The following PACSIN2 variants were observed in gnomAD, a reference collection of about 807,000 sequenced individuals.
PACSIN2 encodes protein kinase C and casein kinase substrate in neurons 2, also known as protein kinase C and casein kinase substrate in neurons protein 2.
A neutral mutation model predicts 63.8 loss-of-function variants in PACSIN2; 25 were observed. The ratio of observed to expected loss-of-function variants is 0.39; its 90% CI spans 0.29 to 0.55. PACSIN2 has a LOEUF of 0.55. Ranked by LOEUF, PACSIN2 falls within the 20% of genes least tolerant of loss-of-function variation. PACSIN2 has a pLI of 0.62. For missense variants in PACSIN2, 518 were observed against 646.9 expected (o/e 0.80, Z 2.16); for synonymous variants, 255 against 256.2 (o/e 1.00, Z 0.05).
intron 1 of PACSIN2, among the ~76,000 whole-genome samples, chr22:42,971,179 C>T (rs1921232521): frequency 6.6e-6 from 1 of 152,268 alleles, no homozygotes; most frequent in Non-Finnish European, 1.5e-5. Context: ...TCACTGCAGC[C>T]TCCCTGCCTG....
chr22:42,927,142 T>C (rs539204777), intron 1 of PACSIN2, among the ~76,000 whole-genome samples: 1 of 152,338 alleles, frequency 6.6e-6, no homozygotes, highest in South Asian at 2.1e-4. Flanking sequence ...TCTCCCATCA[T>C]CTATGGACTG....
chr22:43,005,174 C>G lies in PACSIN2; in HGVS notation c.-78+9847G>C, dbSNP rs188094519. ...CTTAATACAATTTCACACAGGTGAG[C>G]AGTGCTCACACCTTTATCATTTGCT... On this transcript the variant is annotated intron_variant, in intron 1 of 10. Coordinates refer to ENST00000263246, the MANE Select transcript of PACSIN2 (RefSeq NM_001184970.3). Among the ~76,000 whole-genome samples the G allele has an allele frequency of 3.3e-5, 5 of 152,338 alleles. No individual in the cohort carries two copies. The East Asian group carries it at 9.6e-4, about 29-fold the overall frequency.
intron 10 of PACSIN2, among the ~76,000 whole-genome samples, chr22:42,875,581 C>G (rs1325029058): frequency 6.6e-6 from 1 of 151,796 alleles, no homozygotes; most frequent in Admixed American, 6.6e-5. Flanking sequence ...TGTCACCCAG[C>G]CTGGGGTACA....
intron 1 of PACSIN2, among the ~76,000 whole-genome samples, chr22:42,982,205 T>G (rs1601601790): frequency 1.2e-5 from 1 of 81,348 alleles, no homozygotes; most frequent in South Asian, 5.5e-4. Context: ...TACTGGGAAG[T>G]GAGGAGCCCC....
intron 8 of PACSIN2, among the ~76,000 whole-genome samples, chr22:42,877,915 C>T (rs775614511): frequency 3.9e-5 from 6 of 152,214 alleles, no homozygotes; most frequent in Non-Finnish European, 5.9e-5. Flanking sequence ...CACCCCAGAA[C>T]CAAGGAAGGG....
intron 1 of PACSIN2, among the ~76,000 whole-genome samples, chr22:43,001,052 A>T (rs1923735104): frequency 6.6e-6 from 1 of 152,236 alleles, no homozygotes. Context: ...AATAAAACTT[A>T]GGCCAAGGGC....
At chr22:42,884,033 T>C (rs1929283218) in intron 6 of PACSIN2, among the ~76,000 whole-genome samples, 2 of 148,716 alleles carry the variant, frequency 1.3e-5, no homozygotes, top group South Asian at 2.1e-4. Flanking sequence ...AGAAAAGATA[T>C]GCCAGCTGCC....
chr22:42,901,039 C>T (rs1159794732), intron 2 of PACSIN2, among the ~76,000 whole-genome samples: 1 of 152,186 alleles, frequency 6.6e-6, no homozygotes, highest in Non-Finnish European at 1.5e-5. Context: ...AACAAAGTTC[C>T]CAGGAACCCC....
chr22:42,986,138 G>A (rs1168360951), intron 1 of PACSIN2, among the ~76,000 whole-genome samples: 1 of 152,152 alleles, frequency 6.6e-6, no homozygotes, highest in Non-Finnish European at 1.5e-5. Flanking sequence ...TAAGCATTAG[G>A]CAAGGGAAAA....
chr22:42,931,855 T>C (rs993064061), intron 1 of PACSIN2, among the ~76,000 whole-genome samples: 2 of 152,130 alleles, frequency 1.3e-5, no homozygotes, highest in African/African-American at 4.8e-5. Flanking sequence ...AAACCCCCAA[T>C]TGTAAGGAAC....
intron 1 of PACSIN2, among the ~76,000 whole-genome samples, chr22:43,009,872 T>TTC (rs1313224454): frequency 1.5e-5 from 1 of 68,938 alleles, no homozygotes; most frequent in Non-Finnish European, 4.5e-5. Flanking sequence ...TCTATTTTTT[T>TTC]TTTTTTTTTT....
At chr22:42,916,428 G>A (rs1931812351) in intron 1 of PACSIN2, among the ~76,000 whole-genome samples, 1 of 117,580 alleles carries the variant, frequency 8.5e-6, no homozygotes, top group Non-Finnish European at 1.9e-5. Flanking sequence ...GGGTGGGGAA[G>A]GGGGGCCTTG....
At chr22:42,977,473 T>C (rs954470134) in intron 1 of PACSIN2, among the ~76,000 whole-genome samples, 5 of 152,186 alleles carry the variant, frequency 3.3e-5, no homozygotes, top group Admixed American at 2.0e-4. Flanking sequence ...AAGTGCTCCA[T>C]AGAAACAGAA....
chr22:42,888,173 T>C (rs1004337428), intron 5 of PACSIN2, among the ~76,000 whole-genome samples: 1 of 152,082 alleles, frequency 6.6e-6, no homozygotes, highest in Non-Finnish European at 1.5e-5. Flanking sequence ...GTCAGCAGCA[T>C]CCTAAGCTCC....
chr22:42,891,212 T>G, intron 3 of PACSIN2, 30 bp from the exon 4 acceptor site: 1 of 1,510,092 alleles, frequency 6.6e-7, no homozygotes, highest in Non-Finnish European at 9.2e-7. Context: ...TGCGGGTCAC[T>G]CAGCGCCGGC....
intron 1 of PACSIN2, among the ~76,000 whole-genome samples, chr22:42,912,601 A>G (rs1298581174): frequency 6.6e-6 from 1 of 152,220 alleles, no homozygotes; most frequent in East Asian, 1.9e-4. Flanking sequence ...ACAAATTCAG[A>G]CCAGTTTGTT....
intron 1 of PACSIN2, among the ~76,000 whole-genome samples, chr22:42,993,416 T>C (rs1923184607): frequency 6.6e-6 from 1 of 152,170 alleles, no homozygotes; most frequent in Non-Finnish European, 1.5e-5. Context: ...CGCCTGTTCA[T>C]TATAACTCAA....
At chr22:42,935,090 T>C (rs756081993) in intron 1 of PACSIN2, among the ~76,000 whole-genome samples, 2 of 150,364 alleles carry the variant, frequency 1.3e-5, no homozygotes, top group Middle Eastern at 3.4e-3. Flanking sequence ...TAATTTTTTT[T>C]TTTTTTTTTT....
At chr22:42,916,018 G>C (rs2146731551) in intron 1 of PACSIN2, among the ~76,000 whole-genome samples, 1 of 152,336 alleles carries the variant, frequency 6.6e-6, no homozygotes, top group African/African-American at 2.4e-5. Flanking sequence ...CTGTGGGGAA[G>C]GCCTGGGATG....
Sources: gnomAD v4.1 joint callset for allele counts (sites outside exome capture counted in the v4.1 genomes callset) on GRCh38, gnomAD v4.1.1 for gene constraint, MANE v1.5 for transcripts, NCBI Gene and HGNC (gene_info 2026-07-23, HGNC 2026-07-21) for gene names.